Variants in RYR2 observed in about 807,000 individuals in gnomAD.
RYR2 encodes ryanodine receptor 2, also known as cardiac muscle ryanodine receptor-calcium release channel.
A neutral mutation model predicts 601.1 loss-of-function variants in RYR2; 227 were observed. That is an observed-to-expected ratio of 0.38 (90% confidence interval 0.34 to 0.42). The LOEUF is 0.42. Among genes scored for constraint, RYR2 ranks in the 10% least tolerant of loss-of-function variants. The probability of loss-of-function intolerance (pLI) is 1.00; values close to 1 mark genes in which losing one functional copy is unlikely to be tolerated. For synonymous variants in RYR2, 2,223 were observed against 2,175.1 expected, an observed-to-expected ratio of 1.02 and a Z score of -0.61; for missense variants, 4,646 against 6,156.5, an observed-to-expected ratio of 0.75 and a Z score of 8.21.
chr1:237,679,770 G>A (rs974680677), intron 61 of RYR2, among the ~76,000 whole-genome samples: 12 of 152,086 alleles, frequency 7.9e-5, no homozygotes, highest in Admixed American at 7.9e-4. Context: ...AGACTTAGCC[G>A]GCAAATTGCC....
chr1:237,736,201 C>T (rs1384768065), intron 79 of RYR2, among the ~76,000 whole-genome samples: 2 of 152,058 alleles, frequency 1.3e-5, no homozygotes, highest in Admixed American at 6.5e-5. Context: ...TGGCTCACAC[C>T]TATAATCTCA....
rs944382522 is a variant in RYR2 at position 237,072,903 on chromosome 1, A to T, written c.48+30334A>T. On this transcript the variant is annotated intron_variant, in intron 1 of 104. Coordinates refer to ENST00000366574, the MANE Select transcript of RYR2 (RefSeq NM_001035.3). The stretch of plus-strand genomic sequence containing the variant: ...GCAAAAGTTGCAGCGAGCAGAGATC[A>T]TGCCACTACACTCCAGCACGGGCGA... Among the ~76,000 whole-genome samples, 89 of 146,138 alleles carry T rather than the reference A, an allele frequency of 6.1e-4. 1 individual carries two copies. Among genetic ancestry groups the T allele is most frequent in the Non-Finnish European group, 9.0e-5 (6 of 66,756 alleles).
chr1:237,304,838 A>C (rs558058182), intron 2 of RYR2, among the ~76,000 whole-genome samples: 67 of 152,348 alleles, frequency 4.4e-4, no homozygotes, highest in South Asian at 1.0e-3. Context: ...TAAGACCTGA[A>C]AATATCTAGA....
chr1:237,125,565 G>C (rs1465678607), intron 1 of RYR2, among the ~76,000 whole-genome samples: 1 of 152,084 alleles, frequency 6.6e-6, no homozygotes, highest in East Asian at 1.9e-4. Context: ...TTTAATTGAA[G>C]ACCAAAACCA....
intron 2 of RYR2, among the ~76,000 whole-genome samples, chr1:237,308,127 T>C (rs1036737501): frequency 6.6e-6 from 1 of 152,244 alleles, no homozygotes; most frequent in East Asian, 1.9e-4. Flanking sequence ...AAATTAATAA[T>C]GTTTAAACAG....
At chr1:237,345,251 A>C (rs996881334) in intron 3 of RYR2, among the ~76,000 whole-genome samples, 1 of 152,074 alleles carries the variant, frequency 6.6e-6, no homozygotes, top group Non-Finnish European at 1.5e-5. Flanking sequence ...TGAGATTTTG[A>C]TTGGGATGCA....
At chr1:237,257,618 C>T (rs983050344) in intron 1 of RYR2, among the ~76,000 whole-genome samples, 2 of 152,084 alleles carry the variant, frequency 1.3e-5, no homozygotes, top group African/African-American at 2.4e-5. Flanking sequence ...GCGGTATGAA[C>T]GAGGTCGGCA....
rs193128404 is a variant in RYR2 at position 237,802,037 on chromosome 1, A to G, written c.14151+121A>G. ...TCGAATACCAATTCATTTCATACAGACCAGATCTGGAGAGAGACCCACAGA... is the reference window on the plus strand; with the variant it reads ...TCGAATACCAATTCATTTCATACAGGCCAGATCTGGAGAGAGACCCACAGA... On this transcript the variant is annotated intron_variant, in intron 98 of 104. Transcript: ENST00000366574. 5.4e-4 allele frequency: 313 copies of G among 581,822 alleles called. 1 individual carries two copies. The highest frequency in any genetic ancestry group is 5.0e-3 in the African/African-American group (273 of 55,096). The allele number at this position is 581,822 out of a possible 1,614,324, so 36.0% of individuals were successfully genotyped here.
intron 2 of RYR2, among the ~76,000 whole-genome samples, chr1:237,320,566 C>T (rs1247614680): frequency 6.6e-6 from 1 of 152,210 alleles, no homozygotes; most frequent in Admixed American, 6.5e-5. Flanking sequence ...CTCACAAATA[C>T]AGCTCTAGTT....
At chr1:237,804,459 A>G (rs1451887683) in intron 98 of RYR2, among the ~76,000 whole-genome samples, 4 of 151,968 alleles carry the variant, frequency 2.6e-5, no homozygotes, top group Non-Finnish European at 4.4e-5. Flanking sequence ...GTCAAAATGA[A>G]GGTGTCCGCC....
rs1681050045 is a variant in RYR2, at chr1:237,637,971, T to C, written c.6793-386T>C. 3.3e-5 allele frequency among the ~76,000 whole-genome samples: 5 copies of C among 152,134 alleles called. No homozygotes were observed. The South Asian group carries it at 1.0e-3, about 32-fold the overall frequency. On this transcript the variant is annotated intron_variant, in intron 44 of 104. Coordinates refer to ENST00000366574, the MANE Select transcript of RYR2 (RefSeq NM_001035.3). ...AGAAGGCACCGCGGGCTGAGGCTGC[T>C]GCTTTATTGTCTCCAAAGTGTTTAA...
intron 63 of RYR2, among the ~76,000 whole-genome samples, chr1:237,688,262 C>G (rs1686618738): frequency 6.6e-6 from 1 of 152,096 alleles, no homozygotes; most frequent in South Asian, 2.1e-4. Flanking sequence ...GGTTTTGAGA[C>G]AGTGTTGGAG....
chr1:237,702,004 A>G lies in RYR2; in HGVS notation c.9394A>G (p.Arg3132Gly). The change falls in exon 66 of 105, where the codon AGA (arginine) becomes GGA (glycine). Residue 3132 changes from arginine to glycine, a missense_variant. This residue lies in a region of RYR2 where 1,497 missense variants were observed against 1,842.6 expected (regional missense o/e 0.81). Coordinates refer to ENST00000366574, the MANE Select transcript of RYR2 (RefSeq NM_001035.3). Reference sequence around the variant, plus strand: ...GGAAGATGTCCAGGTGTCTTGTTATAGAATTCTGACTAGCTTATATGCTTT... The same window carrying G: ...GGAAGATGTCCAGGTGTCTTGTTATGGAATTCTGACTAGCTTATATGCTTT... ...ILEDVQVSCY[R>G]ILTSLYALGT... 1 of 1,607,646 alleles carries G rather than the reference A, an allele frequency of 6.2e-7. No individual in the cohort carries two copies. Among genetic ancestry groups the G allele is most frequent in the Non-Finnish European group, 8.5e-7 (1 of 1,174,434 alleles).
rs138899382 is a variant in RYR2, at chr1:237,651,058, A to G, written c.7734-353A>G. ...ATTCCCTCTTCTTTTTCTTCTTACCATCCATTGGAATGAGGGAAGAGACAT... is the reference window on the plus strand; with the variant it reads ...ATTCCCTCTTCTTTTTCTTCTTACCGTCCATTGGAATGAGGGAAGAGACAT... On this transcript the variant is annotated intron_variant, in intron 50 of 104. Coordinates refer to ENST00000366574, the MANE Select transcript of RYR2 (RefSeq NM_001035.3). Among the ~76,000 whole-genome samples the G allele has an allele frequency of 4.0e-3, 613 of 151,812 alleles. 1 individual carries two copies. Among genetic ancestry groups the G allele is most frequent in the East Asian group, 0.021 (108 of 5,164 alleles).
At chr1:237,563,569 G>A (rs1470638056) in intron 27 of RYR2, among the ~76,000 whole-genome samples, 6 of 151,892 alleles carry the variant, frequency 4.0e-5, no homozygotes, top group African/African-American at 1.5e-4. Context: ...CATAAGAATA[G>A]CATAGCATTA....
intron 48 of RYR2, among the ~76,000 whole-genome samples, chr1:237,646,155 G>A (rs1682128006): frequency 1.3e-5 from 2 of 152,036 alleles, no homozygotes; most frequent in African/African-American, 4.8e-5. Flanking sequence ...GGGATTACAG[G>A]TGTGAGCCAC....
Position 237,627,930 on chromosome 1 carries a change from G to A in RYR2, c.6290G>A (p.Gly2097Asp). ...LLHRQYDGIG[G>D]LVRALPKTYT... ...CATCGGCAGTATGACGGCATTGGGG[G>A]TCTTGTTCGGGCCCTGCCAAAGACC... is the stretch of plus-strand genomic sequence containing the variant. The change falls in exon 41 of 105, where the codon GGT becomes GAT. Residue 2097 changes from glycine to aspartate, a missense_variant. Physicochemically the swap from Gly to Asp is moderately conservative, Grantham distance 94. Coordinates refer to ENST00000366574, the MANE Select transcript of RYR2 (RefSeq NM_001035.3). 6.2e-7 allele frequency: 1 copy of A among 1,613,344 alleles called. No individual in the cohort carries two copies. Among genetic ancestry groups the A allele is most frequent in the Non-Finnish European group, 8.5e-7 (1 of 1,179,712 alleles).
intron 35 of RYR2, among the ~76,000 whole-genome samples, chr1:237,608,981 T>C (rs1677480368): frequency 6.6e-6 from 1 of 151,788 alleles, no homozygotes; most frequent in Non-Finnish European, 1.5e-5. Context: ...CTTCTTTTCC[T>C]TTCTTCTTTC....
At chr1:237,628,510 G>A (rs1306414091) in intron 41 of RYR2, among the ~76,000 whole-genome samples, 1 of 151,686 alleles carries the variant, frequency 6.6e-6, no homozygotes, top group African/African-American at 2.4e-5. Context: ...TGAGAATGAT[G>A]ATTTCCAATT....
Sources: allele counts gnomAD v4.1 joint callset (sites outside exome capture counted in the v4.1 genomes callset), GRCh38; gene constraint gnomAD v4.1.1; regional missense constraint gnomAD v4.1.1; transcripts MANE v1.5; gene names NCBI Gene and HGNC (gene_info 2026-07-23, HGNC 2026-07-21).